ERC1: variants seen among roughly 807,000 people sequenced by gnomAD.
ERC1 encodes the protein ELKS/RAB6-interacting/CAST family member 1, also known as RAB6 interacting protein 2.
A neutral mutation model predicts 132.0 loss-of-function variants in ERC1; 56 were observed. That is an observed-to-expected ratio of 0.42 (90% CI 0.34 to 0.53). ERC1 has a LOEUF of 0.53. ERC1 is among the 20% of genes least tolerant of loss of function. ERC1 has a pLI of 0.03. For synonymous variants in ERC1, 478 were observed against 476.1 expected (o/e 1.00, Z -0.05); for missense variants, 1,202 against 1,349.9 (o/e 0.89, Z 1.72).
At chr12:1,470,422 T>C (rs1419245123) in intron 18 of ERC1, among the ~76,000 whole-genome samples, 2 of 152,032 alleles carry the variant, frequency 1.3e-5, no homozygotes, top group African/African-American at 4.8e-5. Flanking sequence ...AGGTTTCTTA[T>C]TAGTTGTTTG....
chr12:1,247,084 TTTGAGGTTGCAGTGAGC>T (rs2076201210), intron 13 of ERC1, among the ~76,000 whole-genome samples: 3 of 136,106 alleles, frequency 2.2e-5, no homozygotes, highest in Non-Finnish European at 4.6e-5. Flanking sequence ...AGCCCAGGAG[TTTGAGGTTGCAGTGAGC>T]CCAGGAGTTT....
At chr12:1,015,343 G>A (rs1438841150) in intron 1 of ERC1, among the ~76,000 whole-genome samples, 1 of 152,120 alleles carries the variant, frequency 6.6e-6, no homozygotes, top group Non-Finnish European at 1.5e-5. Flanking sequence ...ACAAGTATGA[G>A]CCACCATGCC....
Position 1,236,756 on chromosome 12 carries a change from C to T in ERC1, c.2352-13C>T. Reference sequence around the variant, plus strand: ...ACATATGCAAAGCTTGATTTTTCTCCTTCTGTCATTAGGCAAGTGAAAGAC... The same window carrying T: ...ACATATGCAAAGCTTGATTTTTCTCTTTCTGTCATTAGGCAAGTGAAAGAC... On this transcript the variant is annotated splice_polypyrimidine_tract_variant and intron_variant, in intron 12 of 18. Coordinates refer to ENST00000360905, the MANE Select transcript of ERC1 (RefSeq NM_178040.4). 6.2e-7 allele frequency: 1 copy of T among 1,610,282 alleles called. No individual in the cohort carries two copies. The highest frequency in any genetic ancestry group is 8.5e-7 in the Non-Finnish European group (1 of 1,178,032).
At chr12:1,360,853 T>TGA (rs1226700357) in intron 15 of ERC1, among the ~76,000 whole-genome samples, 6 of 152,198 alleles carry the variant, frequency 3.9e-5, no homozygotes, top group Middle Eastern at 3.4e-3. Context: ...GAGGCCAAAG[T>TGA]GAGAGGATCA....
chr12:1,190,162 A>C (rs772134126), intron 12 of ERC1, 110 bp downstream of exon 12: 6 of 997,224 alleles, frequency 6.0e-6, no homozygotes, highest in Non-Finnish European at 6.4e-6. Flanking sequence ...AGGTTCTCGA[A>C]TTCTTGCTAT....
chr12:994,824 C>T (rs1053596509), intron 1 of ERC1, among the ~76,000 whole-genome samples: 8 of 151,838 alleles, frequency 5.3e-5, no homozygotes, highest in South Asian at 2.1e-4. Context: ...AGGCCGGGTG[C>T]GGTGGCTCAC....
intron 15 of ERC1, among the ~76,000 whole-genome samples, chr12:1,346,905 GCAGTC>G (rs1438985061): frequency 1.4e-5 from 2 of 145,942 alleles, no homozygotes; most frequent in Non-Finnish European, 3.0e-5. Flanking sequence ...TTGCGCCACT[GCAGTC>G]CGCAGTCCGG....
chr12:1,216,607 A>G (rs866264231), intron 12 of ERC1, among the ~76,000 whole-genome samples: 1,502 of 27,332 alleles, frequency 0.055, 21 homozygotes, highest in African/African-American at 0.13. Flanking sequence ...GGGGTCGGGG[A>G]GGAGGGATGG....
intron 7 of ERC1, among the ~76,000 whole-genome samples, chr12:1,130,624 C>T (rs1018161811): frequency 6.8e-5 from 7 of 102,858 alleles, no homozygotes; most frequent in Non-Finnish European, 1.1e-4. Flanking sequence ...ATTTGCGAAA[C>T]GTATAGTCTT....
At chr12:1,243,048 G>A (rs1037305238) in intron 13 of ERC1, among the ~76,000 whole-genome samples, 76 of 151,634 alleles carry the variant, frequency 5.0e-4, no homozygotes, top group African/African-American at 1.4e-3. Context: ...TTAGCCAGGC[G>A]CGGTGGCGGG....
At chr12:992,079 A>G (rs1004089531) in intron 1 of ERC1, among the ~76,000 whole-genome samples, 20 of 152,032 alleles carry the variant, frequency 1.3e-4, no homozygotes, top group Non-Finnish European at 1.8e-4. Flanking sequence ...AAGAAGAGGG[A>G]GATCTTCGGT....
chr12:1,107,121 C>T (rs1490595671), intron 4 of ERC1, among the ~76,000 whole-genome samples: 2 of 152,146 alleles, frequency 1.3e-5, no homozygotes, highest in Non-Finnish European at 2.9e-5. Context: ...TCTTCTTATC[C>T]CTTCTCCCAC....
chr12:1,184,014 T>TCAG (rs1321083913), intron 11 of ERC1, among the ~76,000 whole-genome samples: 1 of 151,904 alleles, frequency 6.6e-6, no homozygotes, highest in African/African-American at 2.4e-5. Flanking sequence ...CGCAGGCCTG[T>TCAG]AATCCTAGCT....
At chr12:996,654 G>A (rs1960979037) in intron 1 of ERC1, among the ~76,000 whole-genome samples, 2 of 152,096 alleles carry the variant, frequency 1.3e-5, no homozygotes, top group South Asian at 4.1e-4. Context: ...CTAAGGAAAG[G>A]CACATGACTT....
chr12:1,394,386 C>A (rs1591748299), intron 16 of ERC1, among the ~76,000 whole-genome samples: 2 of 152,100 alleles, frequency 1.3e-5, no homozygotes, highest in Non-Finnish European at 2.9e-5. Context: ...GGTGACAGAG[C>A]AAGACTCCTC....
chr12:1,129,501 G>A (rs1227698443), intron 7 of ERC1, among the ~76,000 whole-genome samples: 2 of 152,170 alleles, frequency 1.3e-5, no homozygotes, highest in East Asian at 1.9e-4. Context: ...ACTCCAGCTT[G>A]GGCAATAGAG....
At chr12:1,054,216 A>G (rs1456307605) in intron 2 of ERC1, among the ~76,000 whole-genome samples, 2 of 152,182 alleles carry the variant, frequency 1.3e-5, no homozygotes, top group Non-Finnish European at 2.9e-5. Flanking sequence ...TTCTGGATTC[A>G]TGAGGATTTG....
At chr12:1,384,023 C>G (rs2154379553) in intron 16 of ERC1, among the ~76,000 whole-genome samples, 1 of 152,314 alleles carries the variant, frequency 6.6e-6, no homozygotes, top group Middle Eastern at 3.4e-3. Flanking sequence ...CACTCCAGAG[C>G]TGACACTCCT....
Position 1,083,579 on chromosome 12 carries a change from A to G in ERC1, c.1085A>G (p.Glu362Gly). Residue 362 changes from glutamate to glycine, a missense_variant and splice_region_variant, in exon 3 of 19, where the codon GAG becomes GGG. Transcript: ENST00000360905. ...QKEKENSMLR[E>G]EMHRRFENAP... Reference sequence around the variant, plus strand: ...GAAAAAGAGAACAGTATGTTGAGAGAGGTATGTGACTACTTTTTTAGTTTT... The same window carrying G: ...GAAAAAGAGAACAGTATGTTGAGAGGGGTATGTGACTACTTTTTTAGTTTT... The G allele has an allele frequency of 6.3e-7, 1 of 1,580,460 alleles. No homozygotes were observed. The highest frequency in any genetic ancestry group is 1.2e-5 in the South Asian group (1 of 85,442).
Sources: allele counts gnomAD v4.1 joint callset (sites outside exome capture counted in the v4.1 genomes callset), GRCh38; gene constraint gnomAD v4.1.1; transcripts MANE v1.5; gene names NCBI Gene and HGNC (gene_info 2026-07-23, HGNC 2026-07-21).